CTNNBIP1: variants seen among roughly 807,000 people sequenced by gnomAD.
CTNNBIP1 encodes the protein catenin beta interacting protein 1.
In CTNNBIP1, 7 loss-of-function variants were observed where a neutral mutation model predicts 11.8. That is an observed-to-expected ratio of 0.60 (90% CI 0.34 to 1.12). The LOEUF (loss-of-function observed/expected upper bound fraction) is 1.12, where lower values mean the gene tolerates loss of function less well. Among genes scored for constraint, CTNNBIP1 ranks in the 50% most tolerant of loss-of-function variants. The probability of loss-of-function intolerance (pLI) is 0.03; values close to 1 mark genes in which losing one functional copy is unlikely to be tolerated. For missense variants in CTNNBIP1, 101 were observed against 113.4 expected (o/e 0.89, Z 0.50); for synonymous variants, 58 against 43.9 (o/e 1.32, Z -1.26).
At chr1:9,886,799 C>G (rs1639196067) in intron 1 of CTNNBIP1, among the ~76,000 whole-genome samples, 1 of 152,208 alleles carries the variant, frequency 6.6e-6, no homozygotes, top group African/African-American at 2.4e-5. Context: ...AAGGTAGCAC[C>G]TCAGGTCCTC....
rs1428587190 is a variant in CTNNBIP1, at chr1:9,871,378, T to C, written c.97-101A>G. ...CGCCTAGGCCTGCTTGGTCCCTGCT[T>C]GGTCCCTGCTCGGGCTTCTGTTTCT... On this transcript the variant is annotated intron_variant, in intron 4 of 5. Transcript: ENST00000377263. The surrounding 1 kb of genome is among the most constrained non-coding windows in gnomAD (Gnocchi z 5.2). 2 of 864,974 alleles carry C rather than the reference T, an allele frequency of 2.3e-6. No individual in the cohort carries two copies. The highest frequency in any genetic ancestry group is 1.9e-6 in the Non-Finnish European group (1 of 540,534). 53.6% of individuals were successfully genotyped at this position (864,974 alleles called of 1,614,324 possible).
chr1:9,851,683 T>C lies in CTNNBIP1; in HGVS notation c.188-907A>G, dbSNP rs1557741671. ...ACCGTGCCCAGCCAATCCTTCTTTT[T>C]CTTAATCCTGAATTTGAGATTCTGG... On this transcript the variant is annotated intron_variant, in intron 5 of 5. Transcript: ENST00000377263. The surrounding 1 kb of genome is among the most constrained non-coding windows in gnomAD (Gnocchi z 4.8). Among the ~76,000 whole-genome samples, 1 of 152,216 alleles carries C rather than the reference T, an allele frequency of 6.6e-6. No individual in the cohort carries two copies. Among genetic ancestry groups the C allele is most frequent in the Non-Finnish European group, 1.5e-5 (1 of 68,048 alleles).
At chr1:9,857,122 A>AAAAAC (rs996771744) in intron 5 of CTNNBIP1, among the ~76,000 whole-genome samples, 3 of 151,042 alleles carry the variant, frequency 2.0e-5, no homozygotes, top group Admixed American at 6.6e-5. Context: ...ATGCCATCTC[A>AAAAAC]AAAACAAAAC....
chr1:9,903,674 C>A (rs1257053348), intron 1 of CTNNBIP1, among the ~76,000 whole-genome samples: 1 of 152,174 alleles, frequency 6.6e-6, no homozygotes, highest in African/African-American at 2.4e-5. Flanking sequence ...GTATCATTAT[C>A]CCCATTTACA....
At chr1:9,876,298 C>T (rs993846060) in intron 3 of CTNNBIP1, among the ~76,000 whole-genome samples, 1 of 152,050 alleles carries the variant, frequency 6.6e-6, no homozygotes, top group Non-Finnish European at 1.5e-5. Flanking sequence ...CTGCCCAAGT[C>T]AGAGGTAAGC....
intron 5 of CTNNBIP1, among the ~76,000 whole-genome samples, chr1:9,870,524 C>T (rs373443620): frequency 1.3e-5 from 2 of 152,198 alleles, no homozygotes; most frequent in African/African-American, 4.8e-5. Flanking sequence ...TTACTGTTCC[C>T]AAATCCCAGT....
chr1:9,893,297 G>C lies in CTNNBIP1; in HGVS notation c.-143-9559C>G, dbSNP rs192066426. ...CCCTAGTCACAATGGGCGCAGGCATGAACACCCAGATCTGGGCACACCCTG... is the reference window on the plus strand; with the variant it reads ...CCCTAGTCACAATGGGCGCAGGCATCAACACCCAGATCTGGGCACACCCTG... On this transcript the variant is annotated intron_variant, in intron 1 of 5. Coordinates refer to ENST00000377263, the MANE Select transcript of CTNNBIP1 (RefSeq NM_020248.3). 4 of 152,326 alleles carry C rather than the reference G, an allele frequency of 2.6e-5. No individual in the cohort carries two copies. In the East Asian group the frequency reaches 7.7e-4, roughly 29 times the overall value. 9.4% of individuals were successfully genotyped at this position (152,326 alleles called of 1,614,324 possible).
chr1:9,887,026 T>C (rs1639203471), intron 1 of CTNNBIP1, among the ~76,000 whole-genome samples: 2 of 152,208 alleles, frequency 1.3e-5, no homozygotes, highest in African/African-American at 2.4e-5. Flanking sequence ...TAGTGAGGCA[T>C]GGCATTTGCA....
chr1:9,858,709 A>C (rs1296405862), intron 5 of CTNNBIP1, among the ~76,000 whole-genome samples: 1 of 152,194 alleles, frequency 6.6e-6, no homozygotes, highest in Non-Finnish European at 1.5e-5. Context: ...TGGAACGTAC[A>C]TCTCATGTCA....
At chr1:9,850,829 A>C in intron 5 of CTNNBIP1, 53 bp from the exon 6 acceptor site, 3 of 1,569,120 alleles carry the variant, frequency 1.9e-6, no homozygotes, top group Non-Finnish European at 2.6e-6. Flanking sequence ...TTGGCTTGCG[A>C]ACAGGACAAG....
intron 3 of CTNNBIP1, among the ~76,000 whole-genome samples, chr1:9,876,940 T>A (rs557327002): frequency 7.3e-5 from 11 of 150,668 alleles, no homozygotes; most frequent in African/African-American, 2.7e-4. Context: ...CAGGAAAGGA[T>A]GGTGAGGAAG....
chr1:9,857,808 A>G (rs953553152), intron 5 of CTNNBIP1, among the ~76,000 whole-genome samples: 3 of 152,214 alleles, frequency 2.0e-5, no homozygotes, highest in Admixed American at 1.3e-4. Context: ...CTCAAAAACA[A>G]TAACAACAAC....
chr1:9,857,036 C>T (rs1178392594), intron 5 of CTNNBIP1, among the ~76,000 whole-genome samples: 1 of 148,252 alleles, frequency 6.7e-6, no homozygotes, highest in African/African-American at 2.5e-5. Flanking sequence ...GCAGGAGAAT[C>T]GCTTGAACCC....
intron 5 of CTNNBIP1, among the ~76,000 whole-genome samples, chr1:9,870,347 T>G (rs540106319): frequency 6.6e-6 from 1 of 152,316 alleles, no homozygotes; most frequent in African/African-American, 2.4e-5. Flanking sequence ...CTCTGTGTCA[T>G]GAGAAGCCTT....
At chr1:9,866,503 G>A (rs556711530) in intron 5 of CTNNBIP1, among the ~76,000 whole-genome samples, 3 of 152,030 alleles carry the variant, frequency 2.0e-5, no homozygotes, top group African/African-American at 4.8e-5. Context: ...AGACCAGCCC[G>A]GGCAACATGG....
In CTNNBIP1 at chr1:9,892,754, C is replaced by A. The variant is rs138283363; in HGVS notation, c.-143-9016G>T. Among the ~76,000 whole-genome samples the A allele has an allele frequency of 5.9e-3, 902 of 152,274 alleles. 3 individuals are homozygous for A. The highest frequency in any genetic ancestry group is 9.7e-3 in the Non-Finnish European group (659 of 68,032). ...CCAGGGTTCCTGGCTCCACGCATCA[C>A]GTGAGCCACACTGCTTGCTTGTTTG... On this transcript the variant is annotated intron_variant, in intron 1 of 5. Coordinates refer to ENST00000377263, the MANE Select transcript of CTNNBIP1 (RefSeq NM_020248.3).
In CTNNBIP1 at chr1:9,871,412, A is replaced by T. The variant is rs77625360; in HGVS notation, c.97-135T>A. 3,871 of 704,504 alleles carry T rather than the reference A, an allele frequency of 5.5e-3. 84 individuals carry two copies. In the African/African-American group the frequency reaches 0.057, roughly 10 times the overall value. The allele number at this position is 704,504 out of a possible 1,614,324, so 43.6% of individuals were successfully genotyped here. ...CTCGGGCTTCTGTTTCTGAGATTTG[A>T]CCCCTTTGCTTTCAGGGCCAGCCCA... is the stretch of plus-strand genomic sequence containing the variant. On this transcript the variant is annotated intron_variant, in intron 4 of 5. Coordinates refer to ENST00000377263, the MANE Select transcript of CTNNBIP1 (RefSeq NM_020248.3). The surrounding 1 kb of genome is among the most constrained non-coding windows in gnomAD (Gnocchi z 5.2).
intron 1 of CTNNBIP1, among the ~76,000 whole-genome samples, chr1:9,892,210 C>T (rs1423768729): frequency 2.0e-5 from 3 of 151,912 alleles, no homozygotes; most frequent in Non-Finnish European, 4.4e-5. Flanking sequence ...ATCATGAGGT[C>T]AGGAGATCAA....
At chr1:9,901,244 G>A (rs1180389194) in intron 1 of CTNNBIP1, among the ~76,000 whole-genome samples, 1 of 152,230 alleles carries the variant, frequency 6.6e-6, no homozygotes, top group African/African-American at 2.4e-5. Flanking sequence ...TGGCAAGGGT[G>A]CAAGTCAGGG....
Sources: gnomAD v4.1 joint callset for allele counts (sites outside exome capture counted in the v4.1 genomes callset) on GRCh38, gnomAD v4.1.1 for gene constraint, Gnocchi (gnomAD v3.1) non-coding constraint, MANE v1.5 for transcripts, NCBI Gene and HGNC (gene_info 2026-07-23, HGNC 2026-07-21) for gene names.